Variants in PAG1 observed in about 807,000 individuals in gnomAD.
The protein encoded by PAG1 is phosphoprotein associated with glycosphingolipid-enriched microdomains 1.
PAG1 carries 23 observed loss-of-function variants against 31.7 expected under a neutral mutation model. That is an observed-to-expected ratio of 0.73 (90% CI 0.52 to 1.03). The LOEUF (loss-of-function observed/expected upper bound fraction) is 1.03, where lower values mean the gene tolerates loss of function less well. Ranked by LOEUF, PAG1 falls within the 50% of genes least tolerant of loss-of-function variation. The pLI is 0.00. For missense variants in PAG1, 473 were observed against 540.7 expected (o/e 0.87, Z 1.24); for synonymous variants, 214 against 210.3 (o/e 1.02, Z -0.15).
chr8:81,022,538 A>G (rs2130742984), intron 3 of PAG1, among the ~76,000 whole-genome samples: 1 of 152,288 alleles, frequency 6.6e-6, no homozygotes, highest in South Asian at 2.1e-4. Flanking sequence ...TATTTTTTCT[A>G]AATAATATAT....
intron 1 of PAG1, among the ~76,000 whole-genome samples, chr8:81,105,378 C>T (rs1586223125): frequency 6.6e-6 from 1 of 152,100 alleles, no homozygotes; most frequent in African/African-American, 2.4e-5. Context: ...TTTAGTGACC[C>T]TTCAGTCACT....
intron 2 of PAG1, among the ~76,000 whole-genome samples, chr8:81,030,787 T>C (rs1808366783): frequency 6.6e-6 from 1 of 152,204 alleles, no homozygotes; most frequent in African/African-American, 2.4e-5. Flanking sequence ...TCTCTAGTTC[T>C]CTTCCCATCC....
At chr8:81,050,927 A>G (rs72674050) in intron 2 of PAG1, among the ~76,000 whole-genome samples, 10 of 152,338 alleles carry the variant, frequency 6.6e-5, no homozygotes, top group Non-Finnish European at 1.0e-4. Flanking sequence ...GAACAAGTAG[A>G]GAAGGTGGCC....
intron 1 of PAG1, among the ~76,000 whole-genome samples, chr8:81,074,701 G>C (rs1023187203): frequency 6.6e-6 from 1 of 152,112 alleles, no homozygotes; most frequent in Non-Finnish European, 1.5e-5. Context: ...AGACCCCCAG[G>C]TGATTCACAC....
intron 3 of PAG1, among the ~76,000 whole-genome samples, chr8:81,014,775 A>G (rs1032421883): frequency 6.6e-6 from 1 of 152,074 alleles, no homozygotes; most frequent in African/African-American, 2.4e-5. Flanking sequence ...GTTCTTAATC[A>G]CTCCACCACT....
At chr8:81,087,961 G>GA (rs1809387033) in intron 1 of PAG1, among the ~76,000 whole-genome samples, 2 of 151,984 alleles carry the variant, frequency 1.3e-5, no homozygotes, top group Non-Finnish European at 2.9e-5. Context: ...ATCAGTGGGG[G>GA]GAAAAAATAC....
At chr8:81,070,907 T>C (rs1014698222) in intron 1 of PAG1, among the ~76,000 whole-genome samples, 5 of 152,144 alleles carry the variant, frequency 3.3e-5, no homozygotes, top group African/African-American at 7.2e-5. Flanking sequence ...TCTGAAAATA[T>C]GCTAAGTGGA....
intron 3 of PAG1, among the ~76,000 whole-genome samples, chr8:81,005,647 G>A (rs1807861837): frequency 6.6e-6 from 1 of 152,320 alleles, no homozygotes; most frequent in East Asian, 1.9e-4. Context: ...GAGCAAGTGC[G>A]TGTTCTGTCA....
rs1206607027 is a variant in PAG1, at chr8:81,046,871, G to A, written c.-174-16782C>T. ...CCCCCCAACCCTCCGGCAGGTCCCAGTATAGGCTGTTCCCCCCATGTATCC... is the reference window on the plus strand; with the variant it reads ...CCCCCCAACCCTCCGGCAGGTCCCAATATAGGCTGTTCCCCCCATGTATCC... On this transcript the variant is annotated intron_variant, in intron 2 of 8. Coordinates refer to ENST00000220597, the MANE Select transcript of PAG1 (RefSeq NM_018440.4). 4.6e-5 allele frequency among the ~76,000 whole-genome samples: 7 copies of A among 152,176 alleles called. No individual in the cohort carries two copies. The East Asian group carries it at 1.4e-3, about 29-fold the overall frequency.
At chr8:80,986,150 T>G (rs138126921) in intron 6 of PAG1, among the ~76,000 whole-genome samples, 12 of 152,326 alleles carry the variant, frequency 7.9e-5, no homozygotes, top group Non-Finnish European at 1.5e-4. Flanking sequence ...AGCAAGTTAT[T>G]CCATTAGTGT....
At chr8:81,021,168 T>C in intron 3 of PAG1, among the ~76,000 whole-genome samples, 1 of 152,240 alleles carries the variant, frequency 6.6e-6, no homozygotes, top group Non-Finnish European at 1.5e-5. Context: ...TGCCAGCCTT[T>C]GCTATAGATG....
intron 5 of PAG1, among the ~76,000 whole-genome samples, chr8:80,989,306 G>A (rs1234877571): frequency 1.3e-5 from 2 of 152,124 alleles, no homozygotes; most frequent in Non-Finnish European, 2.9e-5. Context: ...GGCAGGCATG[G>A]GTGTGGGGAA....
At chr8:81,021,907 A>T (rs1808179934) in intron 3 of PAG1, among the ~76,000 whole-genome samples, 1 of 152,220 alleles carries the variant, frequency 6.6e-6, no homozygotes, top group Admixed American at 6.5e-5. Flanking sequence ...AAGAAAAAAC[A>T]TTGTGCAATT....
chr8:81,099,248 C>A (rs1809573179), intron 1 of PAG1, among the ~76,000 whole-genome samples: 1 of 152,214 alleles, frequency 6.6e-6, no homozygotes. Context: ...CCCAAACAGG[C>A]ATGTTCTCCA....
At chr8:81,014,073 C>A (rs952416320) in intron 3 of PAG1, among the ~76,000 whole-genome samples, 1 of 152,102 alleles carries the variant, frequency 6.6e-6, no homozygotes, top group African/African-American at 2.4e-5. Context: ...GGGTAAAATT[C>A]TCAGATTTTG....
At chr8:81,039,945 T>G (rs1465035126) in intron 2 of PAG1, among the ~76,000 whole-genome samples, 2 of 152,208 alleles carry the variant, frequency 1.3e-5, no homozygotes, top group Non-Finnish European at 2.9e-5. Context: ...AATAATTATT[T>G]TAATTGTGAG....
chr8:81,071,598 A>T (rs1401908623), intron 1 of PAG1, among the ~76,000 whole-genome samples: 5 of 152,168 alleles, frequency 3.3e-5, no homozygotes, highest in African/African-American at 1.2e-4. Flanking sequence ...GTGGAGAAAC[A>T]ATTATTTTGA....
intron 1 of PAG1, among the ~76,000 whole-genome samples, chr8:81,105,697 G>A (rs4500045): frequency 0.42 from 63,925 of 152,098 alleles, 15,955 homozygotes; most frequent in East Asian, 1. Flanking sequence ...ATGAAGGAAT[G>A]GGTATGGTTT....
chr8:80,984,179 A>G lies in PAG1; in HGVS notation c.876+597T>C, dbSNP rs10112572. 1.2e-3 allele frequency among the ~76,000 whole-genome samples: 184 copies of G among 152,340 alleles called. 2 individuals carry two copies. The highest frequency in any genetic ancestry group is 4.3e-3 in the African/African-American group (178 of 41,578). Reference sequence around the variant, plus strand: ...GAACTTCATCGTGGCTCAGATATCAAGTTATCAGACACATGCAGAAGGTGT... The same window carrying G: ...GAACTTCATCGTGGCTCAGATATCAGGTTATCAGACACATGCAGAAGGTGT... On this transcript the variant is annotated intron_variant, in intron 7 of 8. Coordinates refer to ENST00000220597, the MANE Select transcript of PAG1 (RefSeq NM_018440.4).
Sources: gnomAD v4.1 joint callset for allele counts (sites outside exome capture counted in the v4.1 genomes callset) on GRCh38, gnomAD v4.1.1 for gene constraint, MANE v1.5 for transcripts, NCBI Gene and HGNC (gene_info 2026-07-23, HGNC 2026-07-21) for gene names.